The following CCNY variants were observed in gnomAD, a reference collection of about 807,000 sequenced individuals.
The protein encoded by CCNY is cyclin Y.
In CCNY, 19 loss-of-function variants were observed where a neutral mutation model predicts 42.8. The observed-to-expected ratio is 0.44, with a 90% confidence interval of 0.31 to 0.65. The LOEUF (loss-of-function observed/expected upper bound fraction) is 0.65. Among genes scored for constraint, CCNY ranks in the 30% least tolerant of loss-of-function variants. CCNY has a pLI of 0.07. For synonymous variants in CCNY, 165 were observed against 162.7 expected (o/e 1.01, Z -0.11); for missense variants, 370 against 437.3 (o/e 0.85, Z 1.37).
chr10:35,543,195 A>AC (rs1841040303), intron 7 of CCNY, among the ~76,000 whole-genome samples: 1 of 152,078 alleles, frequency 6.6e-6, no homozygotes, highest in Non-Finnish European at 1.5e-5. Context: ...CCCCAAGACC[A>AC]CCTCAGGTTT....
chr10:35,345,512 C>T (rs1231977563), intron 1 of CCNY, among the ~76,000 whole-genome samples: 2 of 150,516 alleles, frequency 1.3e-5, no homozygotes, highest in African/African-American at 2.4e-5. Flanking sequence ...TGAGGTAGTA[C>T]TATGAGGATC....
chr10:35,435,661 A>C (rs1189989392), intron 1 of CCNY, among the ~76,000 whole-genome samples: 3 of 152,196 alleles, frequency 2.0e-5, no homozygotes, highest in Admixed American at 2.0e-4. Context: ...CTGTTTACAC[A>C]CTTTTGTATA....
intron 3 of CCNY, among the ~76,000 whole-genome samples, chr10:35,269,714 C>T (rs1050178164): frequency 7.9e-5 from 12 of 151,670 alleles, no homozygotes; most frequent in Admixed American, 2.6e-4. Context: ...CTGCAACCTC[C>T]GCCTCCTGGG....
chr10:35,553,725 AG>A (rs1841307233), intron 8 of CCNY, among the ~76,000 whole-genome samples: 1 of 152,122 alleles, frequency 6.6e-6, no homozygotes, highest in African/African-American at 2.4e-5. Context: ...CAGCATGAAC[AG>A]GGCTCGGGGA....
At chr10:35,448,449 G>C (rs1838840639) in intron 1 of CCNY, among the ~76,000 whole-genome samples, 2 of 152,104 alleles carry the variant, frequency 1.3e-5, no homozygotes, top group Admixed American at 1.3e-4. Flanking sequence ...GGTAACATGA[G>C]GGTAATATTA....
At chr10:35,451,710 G>A (rs1838921549) in intron 1 of CCNY, among the ~76,000 whole-genome samples, 1 of 152,190 alleles carries the variant, frequency 6.6e-6, no homozygotes, top group Non-Finnish European at 1.5e-5. Flanking sequence ...ATAGTGCCTG[G>A]GCCACACGGG....
Position 35,502,794 on chromosome 10 carries a change from G to A in CCNY, c.264+1259G>A, listed in dbSNP as rs560871891. ...TATATACCTGGATATAAAAATTTGAGCGATTGGAACGAATTCTCTAAATCC... is the reference window on the plus strand; with the variant it reads ...TATATACCTGGATATAAAAATTTGAACGATTGGAACGAATTCTCTAAATCC... On this transcript the variant is annotated intron_variant, in intron 3 of 9. Coordinates refer to ENST00000374704, the MANE Select transcript of CCNY (RefSeq NM_145012.6). 5.3e-5 allele frequency among the ~76,000 whole-genome samples: 8 copies of A among 151,970 alleles called. No homozygotes were observed. The South Asian group carries it at 1.7e-3, about 32-fold the overall frequency.
intron 3 of CCNY, among the ~76,000 whole-genome samples, chr10:35,314,059 G>C (rs1835723872): frequency 6.7e-6 from 1 of 149,300 alleles, no homozygotes; most frequent in Admixed American, 6.7e-5. Context: ...TTCTGATTAT[G>C]AAACATTCAT....
chr10:35,378,694 C>T (rs928920409), intron 1 of CCNY, among the ~76,000 whole-genome samples: 3 of 152,100 alleles, frequency 2.0e-5, no homozygotes, highest in Admixed American at 6.5e-5. Context: ...GGATGGCTTG[C>T]AGAGTGCTGT....
intron 7 of CCNY, among the ~76,000 whole-genome samples, chr10:35,549,810 C>T (rs1283621654): frequency 1.7e-5 from 1 of 58,288 alleles, no homozygotes; most frequent in African/African-American, 7.8e-5. Flanking sequence ...TGACCCTGCG[C>T]TGCTCATGGC....
chr10:35,275,056 CTTTTTTTT>C (rs34467762), intron 3 of CCNY, among the ~76,000 whole-genome samples: 1,741 of 64,934 alleles, frequency 0.027, 21 homozygotes, highest in Admixed American at 0.042. Context: ...ACCGTCATTC[CTTTTTTTT>C]TTTTTTTTTT....
At chr10:35,526,162 A>G (rs557071694) in intron 5 of CCNY, among the ~76,000 whole-genome samples, 163 bp downstream of exon 5, 2 of 152,336 alleles carry the variant, frequency 1.3e-5, no homozygotes, top group East Asian at 3.9e-4. Flanking sequence ...TTCCCAGGTA[A>G]GTGCTGAACT....
intron 1 of CCNY, among the ~76,000 whole-genome samples, chr10:35,342,039 A>G (rs899138765): frequency 1.3e-5 from 2 of 152,166 alleles, no homozygotes; most frequent in Non-Finnish European, 2.9e-5. Flanking sequence ...TGTCTGAAAC[A>G]TGAAGTGTCT....
chr10:35,465,905 A>AAGAGAGAGAG (rs56166429), intron 1 of CCNY, among the ~76,000 whole-genome samples: 45 of 99,216 alleles, frequency 4.5e-4, no homozygotes, highest in African/African-American at 6.2e-4. Context: ...GGGTAGGGGG[A>AAGAGAGAGAG]AGAGAGAGAG....
In CCNY at chr10:35,381,349, C is replaced by G. The variant is rs549084373; in HGVS notation, c.154+44142C>G. Among the ~76,000 whole-genome samples, 9 of 152,138 alleles carry G rather than the reference C, an allele frequency of 5.9e-5. No individual in the cohort carries two copies. The South Asian group carries it at 1.9e-3, about 32-fold the overall frequency. ...CCGAGGCGGGTGGATCACCTGAGGT[C>G]AGGAATTTGAGACCAGCCGGGCCAA... On this transcript the variant is annotated intron_variant, in intron 1 of 9. Coordinates refer to ENST00000374704, the MANE Select transcript of CCNY (RefSeq NM_145012.6).
At chr10:35,275,812 G>A (rs1565061082) in intron 3 of CCNY, among the ~76,000 whole-genome samples, 1 of 152,094 alleles carries the variant, frequency 6.6e-6, no homozygotes, top group Non-Finnish European at 1.5e-5. Context: ...ATGACCAGAG[G>A]AATGACCACT....
In CCNY at chr10:35,553,318, T is replaced by TA. The variant is rs751260056; in HGVS notation, c.746+134dup. On this transcript the variant is annotated intron_variant, in intron 8 of 9. Transcript: ENST00000374704. ...TGACTGAATGTCTGTTGTGAGCTGT[T>TA]ACAACAGGGGCATGGCTGTGGAATA... 3 of 801,238 alleles carry TA rather than the reference T, an allele frequency of 3.7e-6. No individual in the cohort carries two copies. The East Asian group carries it at 8.2e-5, about 22-fold the overall frequency. 49.6% of individuals were successfully genotyped at this position (801,238 alleles called of 1,614,324 possible).
At chr10:35,299,075 A>G (rs1008563771) in intron 3 of CCNY, among the ~76,000 whole-genome samples, 1 of 152,246 alleles carries the variant, frequency 6.6e-6, no homozygotes, top group Admixed American at 6.5e-5. Context: ...CATTCTTACC[A>G]GCAGTGTAGA....
At chr10:35,410,646 A>G (rs1837883227) in intron 1 of CCNY, among the ~76,000 whole-genome samples, 1 of 152,242 alleles carries the variant, frequency 6.6e-6, no homozygotes, top group Non-Finnish European at 1.5e-5. Flanking sequence ...TGGAAAACAA[A>G]GAAGAGCTAA....
Sources: gnomAD v4.1 joint callset for allele counts (sites outside exome capture counted in the v4.1 genomes callset) on GRCh38, gnomAD v4.1.1 for gene constraint, MANE v1.5 for transcripts, NCBI Gene and HGNC (gene_info 2026-07-23, HGNC 2026-07-21) for gene names.